The following THAP2 variants were observed in gnomAD, a reference collection of about 807,000 sequenced individuals.
THAP2 encodes the protein THAP domain containing 2, also known as THAP domain-containing protein 2.
A neutral mutation model predicts 18.8 loss-of-function variants in THAP2; 16 were observed. The ratio of observed to expected loss-of-function variants is 0.85; its 90% CI spans 0.58 to 1.29. The LOEUF (loss-of-function observed/expected upper bound fraction) is 1.29. THAP2 is among the 50% of genes most tolerant of loss of function. THAP2 has a pLI of 0.00. For missense variants in THAP2, 251 were observed against 265.3 expected, an observed-to-expected ratio of 0.95 and a Z score of 0.38; for synonymous variants, 80 against 89.2, an observed-to-expected ratio of 0.90 and a Z score of 0.58.
In THAP2 at chr12:71,664,348, C is replaced by T. The variant is rs376982513; in HGVS notation, c.-162C>T. ...AAAGGGAAGGCTGACCGTCCTTCGC[C>T]TCCGCCCCCACATACACACCCCTTC... On this transcript the variant is annotated 5_prime_UTR_variant, in exon 1 of 3. Coordinates refer to ENST00000308086, the MANE Select transcript of THAP2 (RefSeq NM_031435.4). 2.7e-6 allele frequency: 2 copies of T among 751,364 alleles called. No individual in the cohort carries two copies. Among genetic ancestry groups the T allele is most frequent in the African/African-American group, 1.8e-5 (1 of 56,972 alleles). The allele number at this position is 751,364 out of a possible 1,614,324, so 46.5% of individuals were successfully genotyped here. A position where few individuals can be genotyped will look rare whatever the true frequency, so the allele number is the denominator to read the frequency against.
chr12:71,664,718 T>C, intron 1 of THAP2, 138 bp downstream of exon 1: 2 of 985,086 alleles, frequency 2.0e-6, no homozygotes, highest in Non-Finnish European at 3.2e-6. Context: ...ATGTCCTTTG[T>C]GTTTCTCAAA....
chr12:71,670,457 ATGCAGGGTTTAGGGG>A (rs1158075937), intron 1 of THAP2, among the ~76,000 whole-genome samples: 1 of 152,148 alleles, frequency 6.6e-6, no homozygotes, highest in Admixed American at 6.5e-5. Flanking sequence ...CCCTTGAACA[ATGCAGGGTTTAGGGG>A]TGCAGAAGCT....
At chr12:71,672,634 GA>G (rs1403044365) in intron 1 of THAP2, among the ~76,000 whole-genome samples, 2 of 151,354 alleles carry the variant, frequency 1.3e-5, no homozygotes, top group Admixed American at 1.3e-4. Context: ...ACAGCTTGAT[GA>G]TTTTTTTTTT....
chr12:71,675,502 A>G (rs1171406835), intron 2 of THAP2, among the ~76,000 whole-genome samples: 1 of 152,144 alleles, frequency 6.6e-6, no homozygotes, highest in Non-Finnish European at 1.5e-5. Flanking sequence ...AGTGCTAGAG[A>G]TACAAAGATC....
In THAP2 at chr12:71,680,416, T is replaced by C. The variant is rs1017464985; in HGVS notation, c.*3308T>C. On this transcript the variant is annotated 3_prime_UTR_variant, in exon 3 of 3. Coordinates refer to ENST00000308086, the MANE Select transcript of THAP2 (RefSeq NM_031435.4). ...CACTTGATCTTCTCTAAGTAGACTT[T>C]ATAATATTGTGTTTTATCTCATTTC... 2.6e-5 allele frequency: 4 copies of C among 152,630 alleles called. No homozygotes were observed. The highest frequency in any genetic ancestry group is 9.7e-5 in the African/African-American group (4 of 41,442). 9.5% of individuals were successfully genotyped at this position (152,630 alleles called of 1,614,324 possible).
chr12:71,664,819 A>G (rs1429979024), intron 1 of THAP2: 3 of 705,154 alleles, frequency 4.3e-6, no homozygotes, highest in Non-Finnish European at 7.7e-6. Flanking sequence ...TTAGTAAAAA[A>G]AAGTAACAGG....
intron 1 of THAP2, among the ~76,000 whole-genome samples, chr12:71,670,936 CAA>C (rs35547227): frequency 3.6e-4 from 36 of 98,900 alleles, no homozygotes; most frequent in Admixed American, 5.3e-4. Context: ...AAAACTGTCT[CAA>C]AAAAAAAAAA....
chr12:71,675,432 T>C (rs564569729), intron 2 of THAP2, among the ~76,000 whole-genome samples: 1 of 152,252 alleles, frequency 6.6e-6, no homozygotes, highest in East Asian at 1.9e-4. Flanking sequence ...TTTGACATTT[T>C]GATAATTTAT....
At chr12:71,670,775 T>C (rs1244213031) in intron 1 of THAP2, among the ~76,000 whole-genome samples, 2 of 151,194 alleles carry the variant, frequency 1.3e-5, no homozygotes, top group South Asian at 2.1e-4. Flanking sequence ...CCCGTCTCTA[T>C]TAAAAATACA....
chr12:71,677,134 C>T lies in THAP2; in HGVS notation c.*26C>T, dbSNP rs1375569604. Reference sequence around the variant, plus strand: ...ATTTAGCTTGCACAGAGCTTGATGCCTATCCTTCATTCTTTTCAGAAGTAA... The same window carrying T: ...ATTTAGCTTGCACAGAGCTTGATGCTTATCCTTCATTCTTTTCAGAAGTAA... On this transcript the variant is annotated 3_prime_UTR_variant, in exon 3 of 3. Transcript: ENST00000308086. The T allele has an allele frequency of 6.6e-7, 1 of 1,506,402 alleles. No individual in the cohort carries two copies. Among genetic ancestry groups the T allele is most frequent in the Non-Finnish European group, 8.9e-7 (1 of 1,127,892 alleles). 93.3% of individuals were successfully genotyped at this position (1,506,402 alleles called of 1,614,324 possible).
intron 1 of THAP2, chr12:71,665,068 C>T (rs1881308971): frequency 1.5e-6 from 1 of 682,068 alleles, no homozygotes; most frequent in African/African-American, 1.8e-5. Context: ...TGGAATTAAG[C>T]GATGTTAATT....
In THAP2 at chr12:71,677,675, A is replaced by T. The variant is rs1162966231; in HGVS notation, c.*567A>T. On this transcript the variant is annotated 3_prime_UTR_variant, in exon 3 of 3. Transcript: ENST00000308086. ...TGGCCTCTCTCATAAGAATGATTTT[A>T]AAATAGGTTGTAAAATATTTTGAAA... 6.6e-6 allele frequency: 1 copy of T among 151,384 alleles called. No homozygotes were observed. The highest frequency in any genetic ancestry group is 1.9e-4 in the East Asian group (1 of 5,200). The allele number at this position is 151,384 out of a possible 1,614,324, so 9.4% of individuals were successfully genotyped here.
chr12:71,665,873 C>T (rs979115055), intron 1 of THAP2: 7 of 152,196 alleles, frequency 4.6e-5, no homozygotes, highest in Admixed American at 6.5e-5. Context: ...GCTGGTCAAG[C>T]ATCATCGGGA....
chr12:71,674,282 T>C lies in THAP2; in HGVS notation c.151T>C (p.Phe51Leu), dbSNP rs1253861627. The C allele has an allele frequency of 4.3e-6, 7 of 1,613,310 alleles. No homozygotes were observed. The highest frequency in any genetic ancestry group is 5.9e-6 in the Non-Finnish European group (7 of 1,179,560). Residue 51 changes from phenylalanine to leucine, a missense_variant, in exon 2 of 3, where the codon TTT becomes CTT. By Grantham distance (22) the Phe-to-Leu change is conservative. Coordinates refer to ENST00000308086, the MANE Select transcript of THAP2 (RefSeq NM_031435.4). ...AAATTTTGTGCCAGGAAAACACACT[T>C]TTCTTTGTTCAAAGCACTTTGAAGC... ...RKNFVPGKHT[F>L]LCSKHFEASC...
intron 1 of THAP2, among the ~76,000 whole-genome samples, chr12:71,672,240 A>C (rs1167413931): frequency 6.6e-6 from 1 of 152,118 alleles, no homozygotes; most frequent in Non-Finnish European, 1.5e-5. Flanking sequence ...CTCTTGAATG[A>C]TCTTAATGGC....
In THAP2 at chr12:71,674,229, A is replaced by G. The variant is rs542952737; in HGVS notation, c.98A>G (p.Lys33Arg). 3 of 1,602,816 alleles carry G rather than the reference A, an allele frequency of 1.9e-6. No homozygotes were observed. In the East Asian group the frequency reaches 6.7e-5, roughly 36 times the overall value. Residue 33 changes from lysine (K) to arginine (R), a missense_variant, in exon 2 of 3, where the codon AAA (lysine) becomes AGA (arginine). By Grantham distance (26) the Lys-to-Arg change is conservative. Coordinates refer to ENST00000308086, the MANE Select transcript of THAP2 (RefSeq NM_031435.4). Reference protein sequence around the residue: ...HRFPLDPKRRKEWVRLVRRKN... With the variant: ...HRFPLDPKRRREWVRLVRRKN... ...TTTCCTTTGGATCCTAAAAGAAGAA[A>G]AGAATGGGTTCGCCTGGTTAGGCGC...
Position 71,664,436 on chromosome 12 carries a change from C to T in THAP2, c.-74C>T, listed in dbSNP as rs1248902808. On this transcript the variant is annotated 5_prime_UTR_variant, in exon 1 of 3. Transcript: ENST00000308086. ...AGGCACGCCTGCCTCGATTGTCCAG[C>T]CTCTGCCAGAAGAAAGCTTAGCAGC... is the stretch of plus-strand genomic sequence containing the variant. 1 of 1,581,962 alleles carries T rather than the reference C, an allele frequency of 6.3e-7. No homozygotes were observed. Among genetic ancestry groups the T allele is most frequent in the African/African-American group, 1.3e-5 (1 of 74,314 alleles).
intron 1 of THAP2, chr12:71,668,031 T>G (rs1315991044): frequency 6.6e-6 from 1 of 152,236 alleles, no homozygotes; most frequent in Admixed American, 6.5e-5. Flanking sequence ...AACAACTGGC[T>G]TACAGATTTT....
At position 71,676,902 on chromosome 12, in the gene THAP2, A is replaced by G. The variant is rs775736146; in HGVS notation, c.481A>G (p.Arg161Gly). ...KMKTCLQKER[R>G]ATRRWIKATC... ...GAAAACTTGCCTACAAAAGGAACGC[A>G]GAGCAACTCGAAGATGGATCAAAGC... The change falls in exon 3 of 3, where the codon AGA (arginine) becomes GGA (glycine). Residue 161 changes from arginine to glycine, a missense_variant. Transcript: ENST00000308086. 1.6e-5 allele frequency: 26 copies of G among 1,613,682 alleles called. No homozygotes were observed. Among genetic ancestry groups the G allele is most frequent in the Non-Finnish European group, 2.1e-5 (25 of 1,179,734 alleles).
Sources: gnomAD v4.1 joint callset for allele counts (sites outside exome capture counted in the v4.1 genomes callset) on GRCh38, gnomAD v4.1.1 for gene constraint, MANE v1.5 for transcripts, NCBI Gene and HGNC (gene_info 2026-07-23, HGNC 2026-07-21) for gene names.